The following TCF4 variants were observed in gnomAD, a reference collection of about 807,000 sequenced individuals.
TCF4 encodes transcription factor 4, also known as SL3-3 enhancer factor 2.
TCF4 carries 3 observed loss-of-function variants against 82.1 expected under a neutral mutation model. The ratio of observed to expected loss-of-function variants is 0.04; its 90% CI spans 0.02 to 0.09. The LOEUF (loss-of-function observed/expected upper bound fraction) is 0.09. Ranked by LOEUF, TCF4 falls within the 10% of genes least tolerant of loss-of-function variation. The pLI is 1.00. For missense variants in TCF4, 518 were observed against 852.7 expected, an observed-to-expected ratio of 0.61 and a Z score of 4.89; for synonymous variants, 276 against 309.6, an observed-to-expected ratio of 0.89 and a Z score of 1.14.
chr18:55,266,644 T>C (rs1262346362), intron 11 of TCF4: 3 of 151,660 alleles, frequency 2.0e-5, no homozygotes, highest in Non-Finnish European at 4.4e-5. Context: ...AATCCATGGA[T>C]GAATGTGTCA....
chr18:55,561,759 AT>A (rs1256581781), intron 3 of TCF4, among the ~76,000 whole-genome samples: 1 of 152,240 alleles, frequency 6.6e-6, no homozygotes, highest in Non-Finnish European at 1.5e-5. Flanking sequence ...CACATTAAAA[AT>A]ATGAAGAAAA....
At chr18:55,525,945 T>A (rs566527721) in intron 3 of TCF4, among the ~76,000 whole-genome samples, 1 of 152,316 alleles carries the variant, frequency 6.6e-6, no homozygotes, top group Admixed American at 6.5e-5. Flanking sequence ...CACACTTTCT[T>A]GAAGATACAA....
chr18:55,361,756 A>G (rs990872697), intron 6 of TCF4, among the ~76,000 whole-genome samples: 10 of 152,224 alleles, frequency 6.6e-5, no homozygotes, highest in African/African-American at 2.4e-4. Flanking sequence ...GCCACTCAGT[A>G]AAAGGCAGCA....
At chr18:55,230,399 T>A (rs1489427804) in intron 17 of TCF4, 4 of 152,202 alleles carry the variant, frequency 2.6e-5, no homozygotes, top group Non-Finnish European at 5.9e-5. Flanking sequence ...TTCCAAGGGC[T>A]GTCATGTAAA....
intron 2 of TCF4, among the ~76,000 whole-genome samples, chr18:55,621,422 T>C (rs1306416234): frequency 8.4e-6 from 1 of 119,006 alleles, no homozygotes; most frequent in Non-Finnish European, 1.7e-5. Context: ...ATATATATTA[T>C]ATATAATATA....
chr18:55,292,758 A>G (rs910398899), intron 8 of TCF4, among the ~76,000 whole-genome samples: 10 of 152,234 alleles, frequency 6.6e-5, no homozygotes, highest in Admixed American at 4.6e-4. Flanking sequence ...GTATACATAT[A>G]TACGTATATA....
At chr18:55,237,738 T>C (rs1221779444) in intron 15 of TCF4, among the ~76,000 whole-genome samples, 1 of 152,200 alleles carries the variant, frequency 6.6e-6, no homozygotes, top group Non-Finnish European at 1.5e-5. Context: ...TTCTCCAGGA[T>C]AGGATCAACT....
At chr18:55,368,006 A>G (rs1036905538) in intron 6 of TCF4, among the ~76,000 whole-genome samples, 6 of 152,370 alleles carry the variant, frequency 3.9e-5, no homozygotes, top group African/African-American at 1.4e-4. Context: ...TCACTGAACA[A>G]TCTAAGCATC....
At chr18:55,335,274 GTT>G (rs1312519745) in intron 8 of TCF4, among the ~76,000 whole-genome samples, 1 of 152,140 alleles carries the variant, frequency 6.6e-6, no homozygotes, top group African/African-American at 2.4e-5. Flanking sequence ...CCTTTTATAA[GTT>G]TTGCAGCTTT....
intron 3 of TCF4, among the ~76,000 whole-genome samples, chr18:55,507,780 G>A (rs888594794): frequency 3.3e-5 from 5 of 152,136 alleles, no homozygotes; most frequent in Non-Finnish European, 1.5e-5. Context: ...ATTTCTGGGT[G>A]TATTGTGTGT....
At chr18:55,461,704 C>A (rs1362489275) in intron 4 of TCF4, among the ~76,000 whole-genome samples, 1 of 152,038 alleles carries the variant, frequency 6.6e-6, no homozygotes, top group African/African-American at 2.4e-5. Context: ...ATATGAACAT[C>A]AAAACATTAG....
chr18:55,301,484 C>T (rs956452980), intron 8 of TCF4, among the ~76,000 whole-genome samples: 3 of 152,306 alleles, frequency 2.0e-5, no homozygotes, highest in Admixed American at 1.3e-4. Context: ...TGGACCCAAT[C>T]GTTCACCGCA....
intron 3 of TCF4, among the ~76,000 whole-genome samples, chr18:55,490,076 A>G (rs757293676): frequency 5.9e-5 from 9 of 152,200 alleles, no homozygotes; most frequent in Admixed American, 2.0e-4. Context: ...TAATCCCCAC[A>G]TTTTTAGTTA....
At chr18:55,476,803 G>A (rs975408885) in intron 3 of TCF4, among the ~76,000 whole-genome samples, 1 of 152,154 alleles carries the variant, frequency 6.6e-6, no homozygotes. Context: ...GAACAGTGCT[G>A]ACATATTTCA....
chr18:55,459,267 T>C (rs1454155910), intron 5 of TCF4, among the ~76,000 whole-genome samples: 1 of 152,214 alleles, frequency 6.6e-6, no homozygotes. Flanking sequence ...ATATTTTAAA[T>C]ACTATTTGGG....
intron 3 of TCF4, among the ~76,000 whole-genome samples, chr18:55,467,812 C>T (rs1603499659): frequency 6.6e-6 from 1 of 152,296 alleles, no homozygotes; most frequent in African/African-American, 2.4e-5. Flanking sequence ...TGTTCCTCAC[C>T]TCTCAAAGAA....
intron 8 of TCF4, among the ~76,000 whole-genome samples, chr18:55,326,119 G>A (rs893031808): frequency 4.6e-5 from 7 of 152,086 alleles, no homozygotes; most frequent in African/African-American, 1.4e-4. Flanking sequence ...TAAGACACTG[G>A]AATCAGGGTG....
At chr18:55,421,374 G>A (rs1238792994) in intron 5 of TCF4, among the ~76,000 whole-genome samples, 1 of 152,132 alleles carries the variant, frequency 6.6e-6, no homozygotes, top group Non-Finnish European at 1.5e-5. Flanking sequence ...TAAAATTTTC[G>A]TGAAATAACT....
At chr18:55,559,910 G>A (rs925489899) in intron 3 of TCF4, among the ~76,000 whole-genome samples, 21 of 152,080 alleles carry the variant, frequency 1.4e-4, no homozygotes, top group Admixed American at 4.6e-4. Context: ...CAAGCCCAGC[G>A]CAGGGGGTGG....
Sources: gnomAD v4.1 joint callset for allele counts (sites outside exome capture counted in the v4.1 genomes callset) on GRCh38, gnomAD v4.1.1 for gene constraint, MANE v1.5 for transcripts, NCBI Gene and HGNC (gene_info 2026-07-23, HGNC 2026-07-21) for gene names.